MAPKAP1: variants seen among roughly 807,000 people sequenced by gnomAD.
MAPKAP1 encodes target of rapamycin complex 2 subunit MAPKAP1.
A neutral mutation model predicts 65.7 loss-of-function variants in MAPKAP1; 20 were observed. The observed-to-expected ratio is 0.30, with a 90% CI of 0.21 to 0.44. The LOEUF is 0.44. Among genes scored for constraint, MAPKAP1 ranks in the 20% least tolerant of loss-of-function variants. The pLI is 1.00. For synonymous variants in MAPKAP1, 222 were observed against 244.3 expected (o/e 0.91, Z 0.85); for missense variants, 423 against 648.0 (o/e 0.65, Z 3.77).
intron 8 of MAPKAP1, among the ~76,000 whole-genome samples, chr9:125,505,375 A>C (rs1829108308): frequency 1.3e-5 from 2 of 152,096 alleles, no homozygotes; most frequent in African/African-American, 4.8e-5. Flanking sequence ...CAGTGAGCTG[A>C]GATTGCACCA....
intron 8 of MAPKAP1, among the ~76,000 whole-genome samples, chr9:125,498,778 A>C (rs1161980965): frequency 6.6e-6 from 1 of 152,106 alleles, no homozygotes; most frequent in East Asian, 1.9e-4. Flanking sequence ...CGCTGCTTCT[A>C]AGTTCTCTGG....
At chr9:125,547,419 C>T (rs1375172461) in intron 6 of MAPKAP1, among the ~76,000 whole-genome samples, 2 of 152,184 alleles carry the variant, frequency 1.3e-5, no homozygotes, top group African/African-American at 4.8e-5. Flanking sequence ...GGAGATGTTG[C>T]TGTAACATGT....
intron 7 of MAPKAP1, among the ~76,000 whole-genome samples, chr9:125,507,423 G>A (rs887350480): frequency 2.6e-5 from 4 of 152,190 alleles, no homozygotes; most frequent in African/African-American, 2.4e-5. Context: ...ATCAGAGGCC[G>A]TGCAGGGCTC....
intron 7 of MAPKAP1, among the ~76,000 whole-genome samples, chr9:125,513,664 A>G (rs1437016758): frequency 1.3e-5 from 2 of 152,214 alleles, no homozygotes; most frequent in East Asian, 1.9e-4. Flanking sequence ...TGCTCGGTCA[A>G]TGAGAGCTGC....
chr9:125,562,899 C>T (rs1014577332), intron 5 of MAPKAP1, among the ~76,000 whole-genome samples: 1 of 152,198 alleles, frequency 6.6e-6, no homozygotes, highest in African/African-American at 2.4e-5. Flanking sequence ...TCCCTCTTGA[C>T]CCCCACCCAT....
At chr9:125,569,906 T>C (rs1831175273) in intron 5 of MAPKAP1, among the ~76,000 whole-genome samples, 2 of 152,244 alleles carry the variant, frequency 1.3e-5, no homozygotes, top group East Asian at 1.9e-4. Context: ...GTAATGCCTT[T>C]TGGTTCATGT....
At chr9:125,497,348 T>A (rs1357263185) in intron 8 of MAPKAP1, among the ~76,000 whole-genome samples, 1 of 152,216 alleles carries the variant, frequency 6.6e-6, no homozygotes, top group African/African-American at 2.4e-5. Flanking sequence ...GAATTAATGT[T>A]TACAGAGCAA....
At chr9:125,672,903 C>G (rs1029732923) in intron 1 of MAPKAP1, among the ~76,000 whole-genome samples, 1 of 152,210 alleles carries the variant, frequency 6.6e-6, no homozygotes, top group Non-Finnish European at 1.5e-5. Flanking sequence ...CAACTCCTTA[C>G]AAGTCAGGCC....
intron 8 of MAPKAP1, among the ~76,000 whole-genome samples, chr9:125,494,106 T>A (rs1290239396): frequency 6.6e-6 from 1 of 152,202 alleles, no homozygotes; most frequent in African/African-American, 2.4e-5. Context: ...GCTGGATGCA[T>A]AAGTGAGTCA....
chr9:125,575,995 GT>G (rs1265296253), intron 5 of MAPKAP1, among the ~76,000 whole-genome samples: 2 of 152,220 alleles, frequency 1.3e-5, no homozygotes, highest in Non-Finnish European at 2.9e-5. Context: ...AATCCATGCA[GT>G]CCATTACTTA....
At chr9:125,586,046 T>C (rs1206494306) in intron 4 of MAPKAP1, among the ~76,000 whole-genome samples, 3 of 152,156 alleles carry the variant, frequency 2.0e-5, no homozygotes, top group Non-Finnish European at 4.4e-5. Flanking sequence ...ACTCAGTGTG[T>C]CCCTGGACCT....
intron 1 of MAPKAP1, among the ~76,000 whole-genome samples, chr9:125,691,378 T>TAAACTC (rs1174531339): frequency 6.6e-6 from 1 of 152,150 alleles, no homozygotes; most frequent in African/African-American, 2.4e-5. Flanking sequence ...AATAAAACCA[T>TAAACTC]AAACTCAAAA....
chr9:125,572,061 T>C (rs1200730820), intron 5 of MAPKAP1, among the ~76,000 whole-genome samples: 1 of 152,240 alleles, frequency 6.6e-6, no homozygotes, highest in Non-Finnish European at 1.5e-5. Flanking sequence ...TCTTAATTTA[T>C]GGCAATATAG....
At chr9:125,694,226 G>A (rs949880800) in intron 1 of MAPKAP1, among the ~76,000 whole-genome samples, 6 of 151,914 alleles carry the variant, frequency 3.9e-5, no homozygotes, top group African/African-American at 9.7e-5. Flanking sequence ...TACTTGGGAG[G>A]CTGAGGCAGG....
chr9:125,475,873 T>C (rs929501277), intron 9 of MAPKAP1, among the ~76,000 whole-genome samples: 1 of 152,216 alleles, frequency 6.6e-6, no homozygotes, highest in Non-Finnish European at 1.5e-5. Flanking sequence ...ATCTTCCCCA[T>C]GTTCAGGCCC....
chr9:125,690,789 G>A (rs1398827838), intron 1 of MAPKAP1, among the ~76,000 whole-genome samples: 1 of 152,180 alleles, frequency 6.6e-6, no homozygotes, highest in Non-Finnish European at 1.5e-5. Flanking sequence ...AGAACAACAT[G>A]TATTTAGTAA....
At chr9:125,544,198 A>G (rs962673722) in intron 6 of MAPKAP1, among the ~76,000 whole-genome samples, 1 of 151,862 alleles carries the variant, frequency 6.6e-6, no homozygotes, top group Non-Finnish European at 1.5e-5. Flanking sequence ...TTTAGTAGAG[A>G]TGGGTTTCAC....
At chr9:125,701,693 C>T (rs543714941) in intron 1 of MAPKAP1, among the ~76,000 whole-genome samples, 1 of 152,302 alleles carries the variant, frequency 6.6e-6, no homozygotes, top group Admixed American at 6.5e-5. Flanking sequence ...ATAAGGTATA[C>T]AAGAGCATTT....
chr9:125,631,660 A>G (rs1833285513), intron 4 of MAPKAP1, among the ~76,000 whole-genome samples: 1 of 152,230 alleles, frequency 6.6e-6, no homozygotes, highest in Non-Finnish European at 1.5e-5. Flanking sequence ...AACTAGCAGG[A>G]GCAAATCAAA....
Sources: gnomAD v4.1 joint callset for allele counts (sites outside exome capture counted in the v4.1 genomes callset) on GRCh38, gnomAD v4.1.1 for gene constraint, MANE v1.5 for transcripts, NCBI Gene and HGNC (gene_info 2026-07-23, HGNC 2026-07-21) for gene names.